KANK1: variants seen among roughly 807,000 people sequenced by gnomAD.
KANK1 encodes the protein KN motif and ankyrin repeat domain-containing protein 1.
Under a neutral mutation model 106.2 loss-of-function variants are expected in KANK1, and 109 were observed. The ratio of observed to expected loss-of-function variants is 1.03; its 90% CI spans 0.88 to 1.20. The LOEUF (loss-of-function observed/expected upper bound fraction) is 1.20. Among genes scored for constraint, KANK1 ranks in the 50% most tolerant of loss-of-function variants. The pLI is 0.00. For synonymous variants in KANK1, 873 were observed against 652.2 expected, an observed-to-expected ratio of 1.34 and a Z score of -5.16; for missense variants, 2,399 against 1,710.7, an observed-to-expected ratio of 1.40 and a Z score of -7.10.
chr9:566,545 G>A (rs1817853503), intron 1 of KANK1, among the ~76,000 whole-genome samples: 1 of 152,168 alleles, frequency 6.6e-6, no homozygotes, highest in Non-Finnish European at 1.5e-5. Flanking sequence ...CTTGATAATA[G>A]CCATTCTGAC....
intron 1 of KANK1, among the ~76,000 whole-genome samples, chr9:561,431 G>A (rs973847675): frequency 6.6e-6 from 1 of 152,156 alleles, no homozygotes; most frequent in South Asian, 2.1e-4. Flanking sequence ...ATCCCTGACA[G>A]TTACTTTGGT....
chr9:657,752 A>C (rs1563937859), intron 1 of KANK1, among the ~76,000 whole-genome samples: 2 of 152,172 alleles, frequency 1.3e-5, no homozygotes, highest in Non-Finnish European at 2.9e-5. Context: ...ATCAGGCAGC[A>C]AATTGTAAAG....
At chr9:622,335 A>G (rs1015478987) in intron 1 of KANK1, among the ~76,000 whole-genome samples, 2 of 152,194 alleles carry the variant, frequency 1.3e-5, no homozygotes, top group Non-Finnish European at 1.5e-5. Context: ...AAAGACTGCT[A>G]CAGGATAAAT....
intron 3 of KANK1, among the ~76,000 whole-genome samples, chr9:718,353 C>T (rs2131211606): frequency 7.1e-6 from 1 of 140,802 alleles, no homozygotes; most frequent in African/African-American, 2.6e-5. Flanking sequence ...CACTCTGTCA[C>T]CCAGGCTAGA....
intron 6 of KANK1, 83 bp downstream of exon 6, chr9:732,700 G>A (rs1048077781): frequency 1.4e-6 from 2 of 1,471,302 alleles, no homozygotes; most frequent in Non-Finnish European, 1.9e-6. Context: ...CAGAGCTTTT[G>A]TAATTAAATG....
At chr9:650,454 G>C (rs1327976074) in intron 1 of KANK1, among the ~76,000 whole-genome samples, 1 of 152,162 alleles carries the variant, frequency 6.6e-6, no homozygotes, top group Non-Finnish European at 1.5e-5. Flanking sequence ...TTGTTATGTA[G>C]ATTCTTACTC....
rs183332177 is a variant in KANK1, at chr9:499,034, C to T, written c.-362+25761C>T. 3.2e-4 allele frequency among the ~76,000 whole-genome samples: 49 copies of T among 152,050 alleles called. 1 individual carries two copies. Among genetic ancestry groups the T allele is most frequent in the African/African-American group, 1.2e-3 (48 of 41,486 alleles). Reference sequence around the variant, plus strand: ...CTACTAAAAATAAAAAAAAATTAGCCAGGCGTGGTGGCGAGCGCCTGTAGT... The same window carrying T: ...CTACTAAAAATAAAAAAAAATTAGCTAGGCGTGGTGGCGAGCGCCTGTAGT... On this transcript the variant is annotated intron_variant, in intron 3 of 15. Coordinates refer to the KANK1 transcript ENST00000382303.
intron 9 of KANK1, among the ~76,000 whole-genome samples, chr9:741,487 CTTT>C (rs71314737): frequency 8.2e-5 from 9 of 109,556 alleles, no homozygotes; most frequent in Non-Finnish European, 7.6e-5. Flanking sequence ...CCACACCTGG[CTTT>C]TTTTTTTTTT....
In KANK1 at chr9:711,056, G is replaced by A. The variant is rs375587833; in HGVS notation, c.290G>A (p.Ser97Asn). Residue 97 changes from serine (S) to asparagine (N), a missense_variant, in exon 3 of 12, where the codon AGT (serine) becomes AAT (asparagine). Physicochemically the swap from Ser to Asn is conservative, Grantham distance 46. Transcript: ENST00000382297. The part of the protein sequence containing the change: ...TSTESLSSSN[S>N]DDNKQCPNFL... ...ACTGAATCCCTCTCATCCTCCAACA[G>A]TGATGACAACAAGCAGTGCCCCAAC... 1 of 1,614,058 alleles carries A rather than the reference G, an allele frequency of 6.2e-7. No homozygotes were observed.
At chr9:470,555 GGT>G (rs1202608320) in exon 2 of KANK1, 2 of 152,420 alleles carry the variant, frequency 1.3e-5, no homozygotes, top group African/African-American at 2.4e-5. Context: ...GGAACGAACA[GGT>G]GAAAGGAAGC....
intron 1 of KANK1, among the ~76,000 whole-genome samples, chr9:542,646 C>A (rs1406214468): frequency 6.6e-6 from 1 of 152,128 alleles, no homozygotes; most frequent in Non-Finnish European, 1.5e-5. Flanking sequence ...GTTATGGAGA[C>A]AGTGGAAGTG....
At position 743,876 on chromosome 9, in the gene KANK1, G is replaced by A. The variant is rs142250847; in HGVS notation, c.3898-615G>A. ...GTCTCAAAAAACACACTAGACAGAA[G>A]ACAAGTTGTGTTGTTCTTTCCCTTG... On this transcript the variant is annotated intron_variant, in intron 10 of 11. Coordinates refer to ENST00000382297, the MANE Select transcript of KANK1 (RefSeq NM_015158.5). 7.2e-3 allele frequency among the ~76,000 whole-genome samples: 1,100 copies of A among 152,270 alleles called. 14 individuals are homozygous for A. Among genetic ancestry groups the A allele is most frequent in the African/African-American group, 0.025 (1,044 of 41,534 alleles).
intron 3 of KANK1, among the ~76,000 whole-genome samples, chr9:485,336 A>G (rs892848539): frequency 2.0e-5 from 3 of 152,228 alleles, no homozygotes; most frequent in African/African-American, 7.2e-5. Flanking sequence ...ATACCATAAA[A>G]TTCACCCATT....
chr9:605,421 A>G (rs1405274516), intron 1 of KANK1, among the ~76,000 whole-genome samples: 2 of 151,852 alleles, frequency 1.3e-5, no homozygotes, highest in South Asian at 2.1e-4. Flanking sequence ...CATCTAAAAC[A>G]GGCAGAGAGC....
At chr9:619,563 A>G (rs911450883) in intron 1 of KANK1, among the ~76,000 whole-genome samples, 2 of 152,186 alleles carry the variant, frequency 1.3e-5, no homozygotes, top group African/African-American at 4.8e-5. Flanking sequence ...TTGCTACTGT[A>G]TAATGATAAT....
At chr9:620,538 G>C (rs887160428) in intron 1 of KANK1, among the ~76,000 whole-genome samples, 1 of 151,916 alleles carries the variant, frequency 6.6e-6, no homozygotes, top group Non-Finnish European at 1.5e-5. Flanking sequence ...GAGTAGCTGG[G>C]ATTACGGGCG....
chr9:614,647 A>G (rs991068829), intron 1 of KANK1, among the ~76,000 whole-genome samples: 1 of 152,064 alleles, frequency 6.6e-6, no homozygotes, highest in Non-Finnish European at 1.5e-5. Flanking sequence ...CCCCTCAGAC[A>G]TGACTGCCCA....
chr9:514,190 C>G (rs1185490194), intron 1 of KANK1, among the ~76,000 whole-genome samples: 2 of 83,532 alleles, frequency 2.4e-5, no homozygotes, highest in Non-Finnish European at 4.1e-5. Flanking sequence ...CTCTCTCCCT[C>G]CCTTCCTCCC....
chr9:601,353 C>T (rs1185954282), intron 1 of KANK1, among the ~76,000 whole-genome samples: 1 of 151,812 alleles, frequency 6.6e-6, no homozygotes, highest in Non-Finnish European at 1.5e-5. Flanking sequence ...TGATCCAATC[C>T]AAGATCCACA....
Sources: allele counts gnomAD v4.1 joint callset (sites outside exome capture counted in the v4.1 genomes callset), GRCh38; gene constraint gnomAD v4.1.1; transcripts MANE v1.5; gene names NCBI Gene and HGNC (gene_info 2026-07-23, HGNC 2026-07-21).